The following ERBB4 variants were observed in gnomAD, a reference collection of about 807,000 sequenced individuals.
ERBB4 encodes erb-b2 receptor tyrosine kinase 4, also known as receptor tyrosine-protein kinase erbB-4.
ERBB4 carries 42 observed loss-of-function variants against 158.0 expected under a neutral mutation model. That is an observed-to-expected ratio of 0.27 (90% CI 0.21 to 0.34). The LOEUF (loss-of-function observed/expected upper bound fraction) is 0.34. Ranked by LOEUF, ERBB4 falls within the 10% of genes least tolerant of loss-of-function variation. The probability of loss-of-function intolerance (pLI) is 1.00; values close to 1 mark genes in which losing one functional copy is unlikely to be tolerated. For missense variants in ERBB4, 1,333 were observed against 1,624.1 expected, an observed-to-expected ratio of 0.82 and a Z score of 3.08; for synonymous variants, 583 against 558.7, an observed-to-expected ratio of 1.04 and a Z score of -0.61.
intron 20 of ERBB4, chr2:211,535,589 A>ATGTGTGTGTGTGTGTG (rs10636668): frequency 3.5e-5 from 5 of 144,834 alleles, no homozygotes; most frequent in African/African-American, 1.2e-4. Flanking sequence ...GAGAGAGTGT[A>ATGTGTGTGTGTGTGTG]TGTGTGTGTG....
intron 2 of ERBB4, among the ~76,000 whole-genome samples, chr2:211,969,110 T>C (rs1027093054): frequency 1.3e-5 from 2 of 152,034 alleles, no homozygotes; most frequent in African/African-American, 4.8e-5. Context: ...ATCTAAGTCA[T>C]ACTGAAGGTA....
chr2:212,235,653 G>T (rs1300158967), intron 1 of ERBB4, among the ~76,000 whole-genome samples: 2 of 152,068 alleles, frequency 1.3e-5, no homozygotes, highest in African/African-American at 4.8e-5. Context: ...CTTAAACAGT[G>T]GTTTGTAGTT....
In ERBB4 at chr2:211,795,333, A is replaced by G. The variant is rs551151451; in HGVS notation, c.422-7174T>C. On this transcript the variant is annotated intron_variant, in intron 3 of 27. Transcript: ENST00000342788. ...ACCTTTATGAAGCTGAGTTTGCTCA[A>G]TTCTGTGATGGGTTTATTGTACTCA... Among the ~76,000 whole-genome samples the G allele has an allele frequency of 2.4e-4, 37 of 151,942 alleles. No individual in the cohort carries two copies. In the South Asian group the frequency reaches 6.8e-3, roughly 28 times the overall value.
intron 4 of ERBB4, among the ~76,000 whole-genome samples, chr2:211,769,148 C>G (rs1206791671): frequency 6.6e-6 from 1 of 152,122 alleles, no homozygotes; most frequent in African/African-American, 2.4e-5. Context: ...AGGGCAGGGG[C>G]AAAATGCTGC....
chr2:211,861,093 TAAA>T (rs2078019254), intron 3 of ERBB4, among the ~76,000 whole-genome samples: 3 of 63,374 alleles, frequency 4.7e-5, no homozygotes, highest in South Asian at 5.1e-4. Context: ...ATAAAATATA[TAAA>T]TACATTATAT....
At chr2:211,560,368 A>G (rs187194850) in intron 20 of ERBB4, among the ~76,000 whole-genome samples, 214 of 134,526 alleles carry the variant, frequency 1.6e-3, no homozygotes, top group African/African-American at 5.7e-3. Flanking sequence ...TCAGCCTCCC[A>G]GGTACAAGCA....
At chr2:211,783,628 C>T (rs1488876300) in intron 4 of ERBB4, among the ~76,000 whole-genome samples, 2 of 152,104 alleles carry the variant, frequency 1.3e-5, no homozygotes, top group Admixed American at 6.6e-5. Flanking sequence ...GAGATAATCA[C>T]GTGGTTTTTA....
intron 1 of ERBB4, among the ~76,000 whole-genome samples, chr2:212,470,986 T>C (rs1195876851): frequency 6.6e-6 from 1 of 151,968 alleles, no homozygotes; most frequent in Non-Finnish European, 1.5e-5. Context: ...CTTTATAAAG[T>C]ATGGAAAGAC....
chr2:212,522,334 T>C (rs149245625), intron 1 of ERBB4, among the ~76,000 whole-genome samples: 1 of 152,124 alleles, frequency 6.6e-6, no homozygotes, highest in African/African-American at 2.4e-5. Flanking sequence ...AAGTACTAGA[T>C]ATTATGATTT....
At chr2:212,011,522 G>A (rs528941680) in intron 2 of ERBB4, among the ~76,000 whole-genome samples, 6 of 152,152 alleles carry the variant, frequency 3.9e-5, no homozygotes, top group South Asian at 2.1e-4. Context: ...AGGCTGAGAC[G>A]GGTGGATCAC....
chr2:211,559,626 A>G (rs1392556749), intron 20 of ERBB4, among the ~76,000 whole-genome samples: 1 of 152,176 alleles, frequency 6.6e-6, no homozygotes, highest in Non-Finnish European at 1.5e-5. Context: ...TCTTCTCTTA[A>G]GTCTCCCTAG....
intron 3 of ERBB4, among the ~76,000 whole-genome samples, chr2:211,908,200 G>A (rs2079448421): frequency 6.6e-6 from 1 of 151,826 alleles, no homozygotes. Context: ...GAGAGCTTGG[G>A]TGTTGATGAC....
chr2:212,059,042 C>T (rs569560292), intron 2 of ERBB4, among the ~76,000 whole-genome samples: 1 of 152,226 alleles, frequency 6.6e-6, no homozygotes, highest in Non-Finnish European at 1.5e-5. Flanking sequence ...TTAGAAAACC[C>T]CATTGTCTCA....
intron 1 of ERBB4, among the ~76,000 whole-genome samples, chr2:212,480,206 T>C (rs1689617069): frequency 6.6e-6 from 1 of 152,194 alleles, no homozygotes; most frequent in Non-Finnish European, 1.5e-5. Flanking sequence ...GACATTTCAT[T>C]GAACATCTAT....
chr2:211,735,280 A>G (rs1338715981), intron 5 of ERBB4, among the ~76,000 whole-genome samples: 1 of 152,156 alleles, frequency 6.6e-6, no homozygotes, highest in East Asian at 1.9e-4. Context: ...TAATTATCCC[A>G]GTGTTACAGA....
At chr2:211,592,949 G>C (rs1456571667) in intron 19 of ERBB4, among the ~76,000 whole-genome samples, 3 of 151,672 alleles carry the variant, frequency 2.0e-5, no homozygotes, top group Non-Finnish European at 4.4e-5. Context: ...GGTGGAGGTT[G>C]CAGTGAGCCA....
chr2:211,457,260 T>C (rs1175843749), intron 20 of ERBB4, among the ~76,000 whole-genome samples: 1 of 152,236 alleles, frequency 6.6e-6, no homozygotes, highest in Non-Finnish European at 1.5e-5. Flanking sequence ...CTAGATTAAA[T>C]GGTTTGAAAT....
chr2:211,706,421 G>T (rs911464453), intron 9 of ERBB4, among the ~76,000 whole-genome samples: 5 of 151,972 alleles, frequency 3.3e-5, no homozygotes, highest in African/African-American at 7.3e-5. Flanking sequence ...TAGGCATATG[G>T]CCTATGTCCT....
intron 25 of ERBB4, among the ~76,000 whole-genome samples, chr2:211,393,122 TTATAATGCTTAA>T: frequency 6.6e-6 from 1 of 152,190 alleles, no homozygotes; most frequent in Non-Finnish European, 1.5e-5. Flanking sequence ...ATGCTGTCTT[TTATAATGCTTAA>T]TAATCCTGCT....
Sources: gnomAD v4.1 joint callset for allele counts (sites outside exome capture counted in the v4.1 genomes callset) on GRCh38, gnomAD v4.1.1 for gene constraint, MANE v1.5 for transcripts, NCBI Gene and HGNC (gene_info 2026-07-23, HGNC 2026-07-21) for gene names.